ADD3: variants seen among roughly 807,000 people sequenced by gnomAD.
The protein encoded by ADD3 is adducin 3.
ADD3 carries 25 observed loss-of-function variants against 80.2 expected under a neutral mutation model. The ratio of observed to expected loss-of-function variants is 0.31; its 90% confidence interval spans 0.23 to 0.44. The LOEUF is 0.44. Ranked by LOEUF, ADD3 falls within the 20% of genes least tolerant of loss-of-function variation. The pLI, the probability that ADD3 is intolerant of heterozygous loss-of-function variation, is 1.00. For synonymous variants in ADD3, 284 were observed against 289.6 expected, an observed-to-expected ratio of 0.98 and a Z score of 0.20; for missense variants, 829 against 847.5, an observed-to-expected ratio of 0.98 and a Z score of 0.27.
intron 1 of ADD3, among the ~76,000 whole-genome samples, chr10:110,055,358 T>C (rs1002226935): frequency 6.6e-6 from 1 of 152,192 alleles, no homozygotes; most frequent in Non-Finnish European, 1.5e-5. Flanking sequence ...ACGTGGTACT[T>C]CTTGAACGTT....
chr10:110,133,198 A>G, intron 14 of ADD3, 128 bp from the exon 15 acceptor site: 2 of 896,434 alleles, frequency 2.2e-6, no homozygotes, highest in Non-Finnish European at 3.1e-6. Context: ...GTTTATTAAA[A>G]TAATGATCTG....
At position 110,075,958 on chromosome 10, in the gene ADD3, A is replaced by G. The variant is rs182651680; in HGVS notation, c.-29-24667A>G. Among the ~76,000 whole-genome samples, 951 of 152,318 alleles carry G rather than the reference A, an allele frequency of 6.2e-3. 6 individuals carry two copies. The highest frequency in any genetic ancestry group is 8.6e-3 in the Non-Finnish European group (588 of 68,024). ...CTAGGCCATCTCTCAAAATATTGAA[A>G]TGTTCAATACTCCAGACTGAATTAT... On this transcript the variant is annotated intron_variant, in intron 1 of 14. Transcript: ENST00000356080.
chr10:110,011,943 A>G (rs1169889149), intron 1 of ADD3, among the ~76,000 whole-genome samples: 1 of 152,210 alleles, frequency 6.6e-6, no homozygotes, highest in East Asian at 1.9e-4. Context: ...TTTTTACTGT[A>G]ATGGGTTGTA....
chr10:110,086,962 T>C (rs1377770056), intron 1 of ADD3, among the ~76,000 whole-genome samples: 1 of 152,154 alleles, frequency 6.6e-6, no homozygotes, highest in Non-Finnish European at 1.5e-5. Context: ...GTGAGCAGAA[T>C]AGCAGAAATG....
chr10:110,040,666 A>T (rs552088373), intron 1 of ADD3, among the ~76,000 whole-genome samples: 2 of 152,214 alleles, frequency 1.3e-5, no homozygotes, highest in Admixed American at 1.3e-4. Context: ...TGTGTTTTAA[A>T]AATCTTCCTT....
chr10:110,073,487 T>C (rs1160301052), intron 1 of ADD3, among the ~76,000 whole-genome samples: 1 of 152,182 alleles, frequency 6.6e-6, no homozygotes, highest in Non-Finnish European at 1.5e-5. Flanking sequence ...GTACTACCGA[T>C]AGGGTTGCTG....
chr10:110,100,995 T>G, intron 2 of ADD3, 147 bp downstream of exon 2: 1 of 642,590 alleles, frequency 1.6e-6, no homozygotes, highest in East Asian at 3.1e-5. Context: ...AAAGGAGAAA[T>G]GGACATCTAA....
intron 1 of ADD3, among the ~76,000 whole-genome samples, chr10:110,027,410 A>G (rs1026195069): frequency 1.3e-4 from 20 of 152,238 alleles, no homozygotes; most frequent in Admixed American, 1.2e-3. Context: ...CATATATGTA[A>G]TTTAAAATGT....
intron 1 of ADD3, among the ~76,000 whole-genome samples, chr10:110,025,922 A>C (rs1040952286): frequency 6.6e-6 from 1 of 151,952 alleles, no homozygotes; most frequent in African/African-American, 2.4e-5. Flanking sequence ...CTTTTCCTTA[A>C]AAAAGAAAAA....
At chr10:110,087,386 T>G (rs891731266) in intron 1 of ADD3, among the ~76,000 whole-genome samples, 1 of 152,224 alleles carries the variant, frequency 6.6e-6, no homozygotes, top group South Asian at 2.1e-4. Context: ...TATTCCGTAG[T>G]ATTTTATGAT....
chr10:110,128,103 C>G (rs994579997), intron 12 of ADD3, among the ~76,000 whole-genome samples: 1 of 95,718 alleles, frequency 1.0e-5, no homozygotes, highest in Non-Finnish European at 2.0e-5. Flanking sequence ...CCCTGCTGTT[C>G]TGAAATTTTA....
chr10:110,002,103 C>G (rs1429475968), upstream of ADD3, among the ~76,000 whole-genome samples: 1 of 151,946 alleles, frequency 6.6e-6, no homozygotes, highest in Non-Finnish European at 1.5e-5. Flanking sequence ...GACCATCTGG[C>G]CAACATGGTG....
At chr10:110,107,540 C>T (rs1367078996) in intron 2 of ADD3, among the ~76,000 whole-genome samples, 1 of 152,070 alleles carries the variant, frequency 6.6e-6, no homozygotes, top group East Asian at 1.9e-4. Flanking sequence ...GCCATTTTGA[C>T]CTAAGTTAGG....
chr10:110,012,493 A>G (rs190905414), intron 1 of ADD3, among the ~76,000 whole-genome samples: 51 of 152,342 alleles, frequency 3.3e-4, no homozygotes, highest in Non-Finnish European at 5.7e-4. Context: ...CTAGGACATT[A>G]CTTAACTGCA....
chr10:110,034,406 CAAGAT>C (rs1394847632), intron 1 of ADD3, among the ~76,000 whole-genome samples: 1 of 151,336 alleles, frequency 6.6e-6, no homozygotes, highest in African/African-American at 2.4e-5. Flanking sequence ...TTTTGATAAA[CAAGAT>C]AATTTCTTTA....
chr10:110,049,500 G>A (rs192233507), intron 1 of ADD3, among the ~76,000 whole-genome samples: 7 of 152,306 alleles, frequency 4.6e-5, no homozygotes, highest in East Asian at 1.9e-4. Context: ...CCACAGGGGC[G>A]GAGCTGCTCA....
At chr10:110,104,133 G>A (rs1158304429) in intron 2 of ADD3, among the ~76,000 whole-genome samples, 1 of 152,162 alleles carries the variant, frequency 6.6e-6, no homozygotes, top group African/African-American at 2.4e-5. Context: ...CCCAGTGGCA[G>A]GAGAGGGCAT....
At chr10:110,080,760 C>CTTT (rs1564941855) in intron 1 of ADD3, among the ~76,000 whole-genome samples, 1 of 152,186 alleles carries the variant, frequency 6.6e-6, no homozygotes, top group Non-Finnish European at 1.5e-5. Context: ...CATTCTAGCC[C>CTTT]TTTAATCCAT....
chr10:110,116,367 T>C lies in ADD3; in HGVS notation c.443T>C (p.Val148Ala), dbSNP rs1850728285. 1.9e-6 allele frequency: 3 copies of C among 1,614,180 alleles called. No homozygotes were observed. The highest frequency in any genetic ancestry group is 1.7e-4 in the Middle Eastern group (1 of 6,060). The stretch of plus-strand genomic sequence containing the variant: ...AAACTTGCCAGCCTGTACAGACTTG[T>C]AGACTTGTTTGGATGGGCACACCTG... Reference protein sequence around the residue: ...RCKLASLYRLVDLFGWAHLAN... With the variant: ...RCKLASLYRLADLFGWAHLAN... The change falls in exon 4 of 15, where the codon GTA becomes GCA. Residue 148 changes from valine to alanine, a missense_variant. Physicochemically the swap from Val to Ala is moderately conservative, Grantham distance 64. Coordinates refer to ENST00000356080, the MANE Select transcript of ADD3 (RefSeq NM_016824.5).
Sources: allele counts gnomAD v4.1 joint callset (sites outside exome capture counted in the v4.1 genomes callset), GRCh38; gene constraint gnomAD v4.1.1; transcripts MANE v1.5; gene names NCBI Gene and HGNC (gene_info 2026-07-23, HGNC 2026-07-21).